DPYD: variants seen among roughly 807,000 people sequenced by gnomAD.
The protein encoded by DPYD is dihydropyrimidine dehydrogenase, also known as dihydropyrimidine dehydrogenase [NADP(+)].
DPYD carries 109 observed loss-of-function variants against 116.2 expected under a neutral mutation model. That is an observed-to-expected ratio of 0.94 (90% CI 0.80 to 1.10). The LOEUF is 1.10. Among genes scored for constraint, DPYD ranks in the 50% least tolerant of loss-of-function variants. The pLI, the probability that DPYD is intolerant of heterozygous loss-of-function variation, is 0.00. For missense variants in DPYD, 1,302 were observed against 1,254.5 expected (o/e 1.04, Z -0.57); for synonymous variants, 440 against 432.0 (o/e 1.02, Z -0.23).
rs1359217723 is a variant in DPYD at position 97,577,992 on chromosome 1, C to A, written c.1129-4022G>T. ...TTCCAAGTAGCTGAAATTACAGGCA[C>A]CCGCCACCATGCCTGGCTAATTTTT... On this transcript the variant is annotated intron_variant, in intron 10 of 22. Coordinates refer to ENST00000370192, the MANE Select transcript of DPYD (RefSeq NM_000110.4). 4.3e-4 allele frequency among the ~76,000 whole-genome samples: 65 copies of A among 151,998 alleles called. 1 individual carries two copies. Among genetic ancestry groups the A allele is most frequent in the Non-Finnish European group, 4.4e-5 (3 of 67,962 alleles).
At chr1:97,788,563 G>A (rs768968692) in intron 3 of DPYD, among the ~76,000 whole-genome samples, 5 of 152,120 alleles carry the variant, frequency 3.3e-5, no homozygotes, top group South Asian at 4.1e-4. Context: ...TGACACAATT[G>A]CAAAAAATTA....
chr1:97,717,983 G>A (rs113125938), intron 5 of DPYD, among the ~76,000 whole-genome samples: 1,713 of 151,934 alleles, frequency 0.011, 32 homozygotes, highest in African/African-American at 0.039. Context: ...GGGTAGATAC[G>A]CAGTAGTAGG....
chr1:97,679,360 G>A (rs1660318152), intron 7 of DPYD, among the ~76,000 whole-genome samples, 178 bp from the exon 8 acceptor site: 1 of 152,002 alleles, frequency 6.6e-6, no homozygotes, highest in African/African-American at 2.4e-5. Context: ...TATATAAATA[G>A]AACAGGAACA....
intron 16 of DPYD, chr1:97,308,507 T>C (rs1667296855): frequency 6.6e-6 from 1 of 151,842 alleles, no homozygotes; most frequent in African/African-American, 2.4e-5. Flanking sequence ...GTTCTGTAAA[T>C]TGCAATGTTT....
chr1:97,396,305 G>C (rs995655198), intron 14 of DPYD, among the ~76,000 whole-genome samples: 2 of 151,196 alleles, frequency 1.3e-5, no homozygotes, highest in Non-Finnish European at 2.9e-5. Flanking sequence ...TACAAAGCTT[G>C]ATCTGTTTGA....
At chr1:97,437,522 G>A (rs764449446) in intron 14 of DPYD, among the ~76,000 whole-genome samples, 4 of 151,568 alleles carry the variant, frequency 2.6e-5, no homozygotes, top group African/African-American at 4.8e-5. Flanking sequence ...GAACATTCCC[G>A]TACAAGTCTT....
At chr1:97,087,382 A>C (rs72724364) in intron 21 of DPYD, among the ~76,000 whole-genome samples, 31,857 of 152,180 alleles carry the variant, frequency 0.21, 4,324 homozygotes, top group Middle Eastern at 0.37. Context: ...ATTTGGCAGA[A>C]CTCTAATAAC....
At chr1:97,528,320 A>T (rs1475574090) in intron 12 of DPYD, among the ~76,000 whole-genome samples, 1 of 151,596 alleles carries the variant, frequency 6.6e-6, no homozygotes, top group Non-Finnish European at 1.5e-5. Flanking sequence ...TTGAGGCTTC[A>T]GAAGTTTCTA....
At chr1:97,654,057 C>A (rs1356853489) in intron 8 of DPYD, among the ~76,000 whole-genome samples, 1 of 152,134 alleles carries the variant, frequency 6.6e-6, no homozygotes, top group East Asian at 1.9e-4. Context: ...CAGTTTATAA[C>A]CCCCACCTTA....
intron 18 of DPYD, among the ~76,000 whole-genome samples, chr1:97,269,717 T>C (rs1664454848): frequency 6.6e-6 from 1 of 152,090 alleles, no homozygotes; most frequent in Non-Finnish European, 1.5e-5. Flanking sequence ...TGATATCTCT[T>C]CCTCTTCTTA....
intron 3 of DPYD, among the ~76,000 whole-genome samples, chr1:97,752,810 C>G (rs1049825067): frequency 2.0e-5 from 3 of 152,150 alleles, no homozygotes; most frequent in Non-Finnish European, 4.4e-5. Flanking sequence ...TGGACAGTAA[C>G]AGCTGATTCA....
Position 97,305,969 on chromosome 1 carries a change from T to C in DPYD, c.2179+208A>G, listed in dbSNP as rs75179692. ...AGGAAAAACTATAAAGGATCTTGTG[T>C]TTCCAGATCAAAATTCATGGTCAAT... On this transcript the variant is annotated intron_variant, in intron 17 of 22. Transcript: ENST00000370192. Among the ~76,000 whole-genome samples, 416 of 152,082 alleles carry C rather than the reference T, an allele frequency of 2.7e-3. 2 individuals carry two copies. Among genetic ancestry groups the C allele is most frequent in the African/African-American group, 9.5e-3 (393 of 41,520 alleles).
rs1282961476 is a variant in DPYD at position 97,885,634 on chromosome 1, T to C, written c.40-2260A>G. 2.0e-5 allele frequency among the ~76,000 whole-genome samples: 3 copies of C among 152,180 alleles called. No individual in the cohort carries two copies. The East Asian group carries it at 5.8e-4, about 30-fold the overall frequency. On this transcript the variant is annotated intron_variant, in intron 1 of 22. Coordinates refer to ENST00000370192, the MANE Select transcript of DPYD (RefSeq NM_000110.4). The stretch of plus-strand genomic sequence containing the variant: ...AAAGTTCAAAAGCTTTCACATCCAT[T>C]ATGTAACTTAACTTACAAACAGCTA...
At chr1:97,577,941 G>T (rs979463566) in intron 10 of DPYD, among the ~76,000 whole-genome samples, 2 of 151,974 alleles carry the variant, frequency 1.3e-5, no homozygotes, top group African/African-American at 4.8e-5. Context: ...CGCCTCCCCA[G>T]TTCAAGTGAT....
At chr1:97,390,264 C>T (rs192186591) in intron 14 of DPYD, among the ~76,000 whole-genome samples, 197 of 152,026 alleles carry the variant, frequency 1.3e-3, no homozygotes, top group Non-Finnish European at 2.2e-3. Context: ...TGCAAAGTGA[C>T]GGGGGTGAAC....
At chr1:97,705,532 A>C (rs940938876) in intron 5 of DPYD, among the ~76,000 whole-genome samples, 3 of 151,936 alleles carry the variant, frequency 2.0e-5, no homozygotes, top group African/African-American at 7.2e-5. Context: ...CCAGTCTATC[A>C]TTGTTGGACA....
intron 13 of DPYD, among the ~76,000 whole-genome samples, chr1:97,505,489 T>A (rs1421521027): frequency 1.3e-5 from 2 of 151,312 alleles, no homozygotes; most frequent in African/African-American, 2.4e-5. Flanking sequence ...ATTAAAAAAT[T>A]AAAATTATAA....
chr1:97,393,487 CT>C, intron 14 of DPYD, among the ~76,000 whole-genome samples: 1 of 151,800 alleles, frequency 6.6e-6, no homozygotes, highest in Admixed American at 6.6e-5. Context: ...TGTTCCCTAC[CT>C]TGTGTCCAAG....
chr1:97,314,487 TTTC>T (rs1284369660), intron 16 of DPYD, among the ~76,000 whole-genome samples: 2 of 113,746 alleles, frequency 1.8e-5, no homozygotes, highest in East Asian at 2.5e-4. Flanking sequence ...TCGCTAAAGC[TTTC>T]TTTTTTTTTT....
Sources: gnomAD v4.1 joint callset for allele counts (sites outside exome capture counted in the v4.1 genomes callset) on GRCh38, gnomAD v4.1.1 for gene constraint, MANE v1.5 for transcripts, NCBI Gene and HGNC (gene_info 2026-07-23, HGNC 2026-07-21) for gene names.